Variants in YPEL1 observed in about 807,000 individuals in gnomAD.
The protein encoded by YPEL1 is protein yippee-like 1.
YPEL1 carries 7 observed loss-of-function variants against 17.3 expected under a neutral mutation model. The observed-to-expected ratio is 0.40, with a 90% CI of 0.23 to 0.76. YPEL1 has a LOEUF of 0.76. YPEL1 is among the 30% of genes least tolerant of loss of function. The pLI is 0.35. For synonymous variants in YPEL1, 59 were observed against 59.6 expected (o/e 0.99, Z 0.05); for missense variants, 91 against 155.5 (o/e 0.59, Z 2.21).
At position 21,703,992 on chromosome 22, in the gene YPEL1, C is replaced by T. The variant is rs1159815239; in HGVS notation, c.118-110G>A. On this transcript the variant is annotated intron_variant, in intron 2 of 4. Transcript: ENST00000339468. The surrounding 1 kb of genome is among the most constrained non-coding windows in gnomAD (Gnocchi z 6.1). The stretch of plus-strand genomic sequence containing the variant: ...CGCGGCTGTTAGCTGCGCCGGGACG[C>T]GTCACCGGGAGCAGACACCGGCGTC... 42 of 1,246,406 alleles carry T rather than the reference C, an allele frequency of 3.4e-5. No individual in the cohort carries two copies. Among genetic ancestry groups the T allele is most frequent in the African/African-American group, 2.8e-4 (19 of 67,050 alleles). The allele number at this position is 1,246,406 out of a possible 1,614,324, so 77.2% of individuals were successfully genotyped here.
intron 4 of YPEL1, among the ~76,000 whole-genome samples, chr22:21,701,483 T>C (rs540550397): frequency 7.9e-5 from 12 of 152,240 alleles, no homozygotes; most frequent in Non-Finnish European, 1.8e-4. Context: ...TTTGTTTGTT[T>C]GTTTTGAGAT....
rs926615851 is a variant in YPEL1 at position 21,697,804 on chromosome 22, T to C, written c.*3325A>G. On this transcript the variant is annotated 3_prime_UTR_variant, in exon 5 of 5. Transcript: ENST00000339468. ...AAATGAAGGTTTACATTTCTGTAGT[T>C]TGTTTGTTTTAGAGCTTAATTTGTA... is the stretch of plus-strand genomic sequence containing the variant. 6.6e-6 allele frequency: 1 copy of C among 152,340 alleles called. No individual in the cohort carries two copies. The highest frequency in any genetic ancestry group is 2.4e-5 in the African/African-American group (1 of 41,458). 9.4% of individuals were successfully genotyped at this position (152,340 alleles called of 1,614,324 possible).
chr22:21,717,092 G>A (rs566772879), intron 1 of YPEL1, among the ~76,000 whole-genome samples: 4 of 151,950 alleles, frequency 2.6e-5, no homozygotes, highest in East Asian at 1.9e-4. Context: ...GAGGCCGGGC[G>A]CGCTGGCTCA....
intron 1 of YPEL1, among the ~76,000 whole-genome samples, chr22:21,732,681 C>G (rs1409838151): frequency 6.6e-6 from 1 of 151,744 alleles, no homozygotes; most frequent in Non-Finnish European, 1.5e-5. Context: ...ACTCAGGAGG[C>G]TGAGACAGGA....
At chr22:21,711,026 A>T in intron 1 of YPEL1, 118 bp from the exon 2 acceptor site, 7 of 260,490 alleles carry the variant, frequency 2.7e-5, no homozygotes, top group East Asian at 8.9e-5. Flanking sequence ...CAGGACTAGA[A>T]TTTTTTTTTT....
At chr22:21,712,383 AAAC>A (rs999868049) in intron 1 of YPEL1, among the ~76,000 whole-genome samples, 5 of 151,102 alleles carry the variant, frequency 3.3e-5, no homozygotes, top group African/African-American at 7.3e-5. Context: ...AAAAAAAAAA[AAAC>A]AACTACAACT....
intron 1 of YPEL1, among the ~76,000 whole-genome samples, chr22:21,712,485 G>A (rs1472596035): frequency 7.4e-6 from 1 of 135,056 alleles, no homozygotes; most frequent in East Asian, 2.5e-4. Context: ...CCAGCATTAT[G>A]GGAGGCCGAA....
chr22:21,715,723 T>A lies in YPEL1; in HGVS notation c.-164-4815A>T, dbSNP rs1373867417. On this transcript the variant is annotated intron_variant, in intron 1 of 4. Transcript: ENST00000339468. ...CAGCCTCCTGAGTAGCTGGGACTAC[T>A]GGCACGTGCCACCACACCTAATTTT... Among the ~76,000 whole-genome samples the A allele has an allele frequency of 3.1e-4, 35 of 114,560 alleles. 2 individuals carry two copies. Among genetic ancestry groups the A allele is most frequent in the South Asian group, 8.3e-4 (3 of 3,608 alleles). 75.2% of individuals were successfully genotyped at this position (114,560 alleles called of 152,430 possible). A position where few individuals can be genotyped will look rare whatever the true frequency, so the allele number is the denominator to read the frequency against.
intron 1 of YPEL1, among the ~76,000 whole-genome samples, chr22:21,714,936 G>C (rs540805670): frequency 6.6e-6 from 1 of 152,246 alleles, no homozygotes; most frequent in East Asian, 1.9e-4. Flanking sequence ...TGATTCGTAG[G>C]AGTAAGTGAT....
At chr22:21,732,578 T>C (rs556426720) in intron 1 of YPEL1, among the ~76,000 whole-genome samples, 10 of 152,198 alleles carry the variant, frequency 6.6e-5, no homozygotes, top group African/African-American at 2.4e-4. Context: ...GGTCAGGAGA[T>C]TGAGGCCATC....
intron 1 of YPEL1, among the ~76,000 whole-genome samples, chr22:21,734,543 G>T (rs555513974): frequency 6.6e-6 from 1 of 152,278 alleles, no homozygotes; most frequent in East Asian, 1.9e-4. Flanking sequence ...ACCCGTAGGG[G>T]TTCCCACAAG....
chr22:21,703,936 G>A lies in YPEL1; in HGVS notation c.118-54C>T, dbSNP rs1182211742. ...CTGCGAGTGCTTTCTGGAACGAAGC[G>A]GTGCTGCCCAGAACCAGGGGAGTCC... On this transcript the variant is annotated intron_variant, in intron 2 of 4. Transcript: ENST00000339468. This position sits in a 1 kb window ranked among gnomAD's most constrained non-coding sequence, Gnocchi z 6.1. The A allele has an allele frequency of 7.7e-6, 12 of 1,553,352 alleles. No individual in the cohort carries two copies. The highest frequency in any genetic ancestry group is 2.4e-5 in the South Asian group (2 of 84,346).
chr22:21,712,649 C>A (rs2068181273), intron 1 of YPEL1, among the ~76,000 whole-genome samples: 1 of 150,782 alleles, frequency 6.6e-6, no homozygotes, highest in African/African-American at 2.4e-5. Context: ...TTGCTTGAAC[C>A]CAGGAGGCAG....
At chr22:21,716,466 C>A (rs2068224825) in intron 1 of YPEL1, among the ~76,000 whole-genome samples, 1 of 152,290 alleles carries the variant, frequency 6.6e-6, no homozygotes, top group South Asian at 2.1e-4. Flanking sequence ...TGCCCCCATC[C>A]AGCCACCCCG....
Position 21,700,238 on chromosome 22 carries a change from C to T in YPEL1, c.*891G>A, listed in dbSNP as rs2068051572. 1.3e-5 allele frequency: 2 copies of T among 152,304 alleles called. No individual in the cohort carries two copies. Among genetic ancestry groups the T allele is most frequent in the African/African-American group, 4.8e-5 (2 of 41,460 alleles). The allele number at this position is 152,304 out of a possible 1,614,324, so 9.4% of individuals were successfully genotyped here. On this transcript the variant is annotated 3_prime_UTR_variant, in exon 5 of 5. Coordinates refer to ENST00000339468, the MANE Select transcript of YPEL1 (RefSeq NM_013313.5). The stretch of plus-strand genomic sequence containing the variant: ...TGGAGGGTGGGCTACAATACCTTTT[C>T]TCTAAAAAAGGGAATGGTGAGACTT...
At chr22:21,701,276 A>C in intron 4 of YPEL1, 58 bp from the exon 5 acceptor site, 1 of 1,416,002 alleles carries the variant, frequency 7.1e-7, no homozygotes, top group Non-Finnish European at 9.9e-7. Context: ...CAATTTCATC[A>C]CTCTTTTGGC....
intron 1 of YPEL1, among the ~76,000 whole-genome samples, chr22:21,713,828 C>A (rs183767770): frequency 6.6e-6 from 1 of 152,164 alleles, no homozygotes; most frequent in Non-Finnish European, 1.5e-5. Flanking sequence ...ACTGATGCTG[C>A]CATCATCAGC....
chr22:21,712,923 A>C (rs1009098296), intron 1 of YPEL1, among the ~76,000 whole-genome samples: 5 of 152,074 alleles, frequency 3.3e-5, no homozygotes, highest in Non-Finnish European at 5.9e-5. Flanking sequence ...TCAACAAAAC[A>C]ACCCCAATCT....
At chr22:21,731,249 C>T (rs938897198) in intron 1 of YPEL1, among the ~76,000 whole-genome samples, 1 of 151,516 alleles carries the variant, frequency 6.6e-6, no homozygotes, top group Non-Finnish European at 1.5e-5. Flanking sequence ...TGTGGTGGCA[C>T]GTGCCTGTCG....
Sources: allele counts gnomAD v4.1 joint callset (sites outside exome capture counted in the v4.1 genomes callset), GRCh38; gene constraint gnomAD v4.1.1; non-coding constraint Gnocchi (gnomAD v3.1); transcripts MANE v1.5; gene names NCBI Gene and HGNC (gene_info 2026-07-23, HGNC 2026-07-21).